ATXN7L2: variants seen among roughly 807,000 people sequenced by gnomAD.
The protein encoded by ATXN7L2 is ataxin 7 like 2, also known as ataxin-7-like protein 2.
Under a neutral mutation model 59.6 loss-of-function variants are expected in ATXN7L2, and 17 were observed. That is an observed-to-expected ratio of 0.29 (90% CI 0.20 to 0.43). The LOEUF is 0.43. Ranked by LOEUF, ATXN7L2 falls within the 20% of genes least tolerant of loss-of-function variation. The pLI is 1.00. For missense variants in ATXN7L2, 858 were observed against 1,008.9 expected (o/e 0.85, Z 2.03); for synonymous variants, 378 against 392.5 (o/e 0.96, Z 0.44).
In ATXN7L2 at chr1:109,486,369, G is replaced by T; in HGVS notation, c.194-137G>T. 4 of 946,738 alleles carry T rather than the reference G, an allele frequency of 4.2e-6. No individual in the cohort carries two copies. The South Asian group carries it at 7.0e-5, about 17-fold the overall frequency. The allele number at this position is 946,738 out of a possible 1,614,324, so 58.6% of individuals were successfully genotyped here. On this transcript the variant is annotated intron_variant, in intron 2 of 10. Transcript: ENST00000683729. This position sits in a 1 kb window ranked among gnomAD's most constrained non-coding sequence, Gnocchi z 4.3. ...CTGCTTAGATCGAACTCTGGAAGCT[G>T]GAAGCATTCAGCATGGAGCTTGTTA...
chr1:109,485,168 T>C (rs2101020893), intron 1 of ATXN7L2: 2 of 678,882 alleles, frequency 2.9e-6, no homozygotes, highest in African/African-American at 2.0e-5. Context: ...TCTGGGTGCA[T>C]TGAGAACCGG....
Position 109,488,759 on chromosome 1 carries a change from C to A in ATXN7L2, c.880-88C>A, listed in dbSNP as rs1232404489. Reference sequence around the variant, plus strand: ...TATGCCCACCTCTCTCCCTGCCCCCCAACTTGCCCGGGCCAAAGCACCCTG... The same window carrying A: ...TATGCCCACCTCTCTCCCTGCCCCCAAACTTGCCCGGGCCAAAGCACCCTG... On this transcript the variant is annotated intron_variant, in intron 6 of 10. Coordinates refer to ENST00000683729, the MANE Select transcript of ATXN7L2 (RefSeq NM_001350175.2). This position sits in a 1 kb window ranked among gnomAD's most constrained non-coding sequence, Gnocchi z 5.0. 1 of 1,475,680 alleles carries A rather than the reference C, an allele frequency of 6.8e-7. No individual in the cohort carries two copies. The highest frequency in any genetic ancestry group is 2.0e-5 in the Admixed American group (1 of 51,042). The allele number at this position is 1,475,680 out of a possible 1,614,324, so 91.4% of individuals were successfully genotyped here.
At chr1:109,492,220 G>A in intron 10 of ATXN7L2, 2 of 685,726 alleles carry the variant, frequency 2.9e-6, no homozygotes, top group Non-Finnish European at 3.8e-6. Context: ...CAGGTGACAG[G>A]CAAGTTCTCC....
chr1:109,489,247 G>C, intron 7 of ATXN7L2, 147 bp downstream of exon 7: 1 of 1,120,832 alleles, frequency 8.9e-7, no homozygotes, highest in Non-Finnish European at 1.2e-6. Flanking sequence ...TCCTGACAGT[G>C]GTGTGGAAGC....
Position 109,490,325 on chromosome 1 carries a change from C to A in ATXN7L2, c.1387C>A (p.Arg463=), listed in dbSNP as rs185034916. The change falls in exon 9 of 11, where the codon CGG becomes AGG. Residue 463 remains arginine (R), a synonymous_variant. Coordinates refer to ENST00000683729, the MANE Select transcript of ATXN7L2 (RefSeq NM_001350175.2). ...VSPGCYVFSR[R]LDRFCSALSS... ...CCCAGGATGCTATGTGTTTAGCCGC[C>A]GGCTGGACCGGTTCTGCTCAGCACT... 55 of 1,613,910 alleles carry A rather than the reference C, an allele frequency of 3.4e-5. 1 individual carries two copies. In the East Asian group the frequency reaches 1.2e-3, roughly 36 times the overall value.
rs1414281546 is a variant in ATXN7L2, at chr1:109,491,168, A to T, written c.1701A>T (p.Pro567=). The T allele has an allele frequency of 6.2e-7, 1 of 1,613,638 alleles. No homozygotes were observed. The change falls in exon 10 of 11, where the codon CCA becomes CCT. Residue 567 remains proline (P), a synonymous_variant. Transcript: ENST00000683729. The surrounding 1 kb of genome is among the most constrained non-coding windows in gnomAD (Gnocchi z 4.1). ...GCGGGAGCCAGGCTATCACCTCACC[A>T]CTGCCTGCCAACACGCCATCCCCGT... ...CMGGSQAITS[P]LPANTPSPSF...
chr1:109,484,558 C>T (rs991853647), intron 1 of ATXN7L2, among the ~76,000 whole-genome samples: 1 of 151,896 alleles, frequency 6.6e-6, no homozygotes, highest in African/African-American at 2.4e-5. Context: ...CCCCCGCCCT[C>T]TCCGCGTTAG....
rs752257515 is a variant in ATXN7L2, at chr1:109,491,278, G to A, written c.1811G>A (p.Arg604Gln). 6.2e-7 allele frequency: 1 copy of A among 1,614,112 alleles called. No individual in the cohort carries two copies. Residue 604 changes from arginine (R) to glutamine (Q), a missense_variant, in exon 10 of 11, where the codon CGG becomes CAG. Arg to Gln is a conservative substitution (Grantham distance 43). This residue lies in a region of ATXN7L2 where 734 missense variants were observed against 862.3 expected (regional missense o/e 0.85). Coordinates refer to ENST00000683729, the MANE Select transcript of ATXN7L2 (RefSeq NM_001350175.2). This position sits in a 1 kb window ranked among gnomAD's most constrained non-coding sequence, Gnocchi z 4.1. ...GAGGTGGAGGCCCCTTCTCGAAAGC[G>A]GAAGTTATCCCCTGGCCCTACCACT... Reference protein sequence around the residue: ...GVEVEAPSRKRKLSPGPTTLK... With the variant: ...GVEVEAPSRKQKLSPGPTTLK...
downstream of ATXN7L2, chr1:109,492,796 GA>G (rs1243107680): frequency 4.9e-5 from 34 of 695,542 alleles, 1 homozygote; most frequent in South Asian, 4.2e-4. Flanking sequence ...GAAAAGGAAG[GA>G]AAAAAAATAA....
intron 1 of ATXN7L2, among the ~76,000 whole-genome samples, chr1:109,484,664 C>G (rs180708239): frequency 6.6e-6 from 1 of 152,334 alleles, no homozygotes; most frequent in East Asian, 1.9e-4. Context: ...TCTTGCCCTG[C>G]CTCTTGGCTC....
intron 7 of ATXN7L2, 178 bp downstream of exon 7, chr1:109,489,278 A>G (rs912400975): frequency 1.3e-6 from 1 of 762,910 alleles, no homozygotes; most frequent in Non-Finnish European, 2.0e-6. Context: ...CCTGTTTCCA[A>G]CCAGGCATAC....
In ATXN7L2 at chr1:109,491,262, G is replaced by A; in HGVS notation, c.1795G>A (p.Ala599Thr). 1 of 1,614,240 alleles carries A rather than the reference G, an allele frequency of 6.2e-7. No individual in the cohort carries two copies. The highest frequency in any genetic ancestry group is 2.2e-5 in the East Asian group (1 of 44,888). Residue 599 changes from alanine to threonine, a missense_variant, in exon 10 of 11, where the codon GCC becomes ACC. This residue lies in a region of ATXN7L2 where 734 missense variants were observed against 862.3 expected (regional missense o/e 0.85). Transcript: ENST00000683729. This position sits in a 1 kb window ranked among gnomAD's most constrained non-coding sequence, Gnocchi z 4.1. ...AGGCAAGGACGGGGTGGAGGTGGAG[G>A]CCCCTTCTCGAAAGCGGAAGTTATC... ...SKGKDGVEVE[A>T]PSRKRKLSPG... is the part of the protein sequence containing the mutation.
intron 1 of ATXN7L2, among the ~76,000 whole-genome samples, chr1:109,484,791 C>T (rs1396385465): frequency 6.6e-6 from 1 of 152,186 alleles, no homozygotes; most frequent in Non-Finnish European, 1.5e-5. Context: ...CGTGGCCTTT[C>T]GGGGTGACAG....
chr1:109,487,180 C>T lies in ATXN7L2; in HGVS notation c.472C>T (p.His158Tyr), dbSNP rs1331493753. Residue 158 changes from histidine (H) to tyrosine (Y), a missense_variant, in exon 4 of 11, where the codon CAC becomes TAC. Coordinates refer to ENST00000683729, the MANE Select transcript of ATXN7L2 (RefSeq NM_001350175.2). ...EKGQGSRSRGHQPPEKTQKDN... is the reference protein window; with the variant it reads ...EKGQGSRSRGYQPPEKTQKDN... The stretch of plus-strand genomic sequence containing the variant: ...GGGCCAGGGGTCCCGGAGCCGTGGC[C>T]ACCAGCCTCCTGAGAAGACCCAGAA... The T allele has an allele frequency of 3.1e-6, 5 of 1,590,506 alleles. No homozygotes were observed. Among genetic ancestry groups the T allele is most frequent in the Non-Finnish European group, 4.3e-6 (5 of 1,168,206 alleles).
rs976326866 is a variant in ATXN7L2 at position 109,486,285 on chromosome 1, G to A, written c.193+163G>A. ...GTTGTTCTGGCTCCTGTGACCTGTC[G>A]TTGGAGATCATAATCATAGGTGATT... On this transcript the variant is annotated intron_variant, in intron 2 of 10. Transcript: ENST00000683729. This position sits in a 1 kb window ranked among gnomAD's most constrained non-coding sequence, Gnocchi z 4.3. 4 of 1,170,946 alleles carry A rather than the reference G, an allele frequency of 3.4e-6. No individual in the cohort carries two copies. Among genetic ancestry groups the A allele is most frequent in the East Asian group, 2.7e-5 (1 of 37,604 alleles). The allele number at this position is 1,170,946 out of a possible 1,614,324, so 72.5% of individuals were successfully genotyped here.
rs1195969743 is a variant in ATXN7L2 at position 109,487,019 on chromosome 1, G to A, written c.311G>A (p.Gly104Glu). Residue 104 changes from glycine (G) to glutamate (E), a missense_variant, in exon 4 of 11, where the codon GGG (glycine) becomes GAG (glutamate). Physicochemically the swap from Gly to Glu is moderately conservative, Grantham distance 98. Coordinates refer to ENST00000683729, the MANE Select transcript of ATXN7L2 (RefSeq NM_001350175.2). ...AFQKHCERRHGPLSKLYGRAP... is the reference protein window; with the variant it reads ...AFQKHCERRHEPLSKLYGRAP... Reference sequence around the variant, plus strand: ...CTCCTGGTGACAGAAAGAAGACATGGGCCCCTCAGCAAGCTTTATGGCCGG... The same window carrying A: ...CTCCTGGTGACAGAAAGAAGACATGAGCCCCTCAGCAAGCTTTATGGCCGG... The A allele has an allele frequency of 4.4e-6, 7 of 1,592,936 alleles. No homozygotes were observed. The East Asian group carries it at 1.4e-4, about 31-fold the overall frequency.
chr1:109,489,551 C>T (rs1021255221), intron 7 of ATXN7L2: 5 of 347,118 alleles, frequency 1.4e-5, no homozygotes, highest in Non-Finnish European at 2.7e-5. Flanking sequence ...AACACAGGCT[C>T]AGCTCACAGA....
At position 109,487,235 on chromosome 1, in the gene ATXN7L2, A is replaced by G; in HGVS notation, c.509+18A>G. 1 of 1,496,038 alleles carries G rather than the reference A, an allele frequency of 6.7e-7. No homozygotes were observed. The highest frequency in any genetic ancestry group is 8.9e-7 in the Non-Finnish European group (1 of 1,119,412). 92.7% of individuals were successfully genotyped at this position (1,496,038 alleles called of 1,614,324 possible). A position where few individuals can be genotyped will look rare whatever the true frequency, so the allele number is the denominator to read the frequency against. On this transcript the variant is annotated intron_variant, in intron 4 of 10. Transcript: ENST00000683729. ...AACCTCTGGTAAGGAGAGGCTGGAA[A>G]CTTTCTAAGACTGGCCCTGACCCTG...
At position 109,490,071 on chromosome 1, in the gene ATXN7L2, C is replaced by A; in HGVS notation, c.1275C>A (p.Asp425Glu). Residue 425 changes from aspartate (D) to glutamate (E), a missense_variant, in exon 8 of 11, where the codon GAC (aspartate) becomes GAA (glutamate). Asp to Glu is a conservative substitution (Grantham distance 45, BLOSUM62 2). Around this residue, in one of 3 missense-constraint regions of ATXN7L2, gnomAD observed 734 missense variants for 862.3 expected, o/e 0.85. Coordinates refer to ENST00000683729, the MANE Select transcript of ATXN7L2 (RefSeq NM_001350175.2). ...SEESEEEGTS[D>E]DLHPPPDCHY... The stretch of plus-strand genomic sequence containing the variant: ...AGAGTGAGGAGGAGGGGACATCTGA[C>A]GACCTCCACCCACCCCCTGACTGCC... The A allele has an allele frequency of 6.2e-7, 1 of 1,602,200 alleles. No individual in the cohort carries two copies. Among genetic ancestry groups the A allele is most frequent in the Non-Finnish European group, 8.5e-7 (1 of 1,173,708 alleles).
Sources: gnomAD v4.1 joint callset for allele counts (sites outside exome capture counted in the v4.1 genomes callset) on GRCh38, gnomAD v4.1.1 for gene constraint, gnomAD v4.1.1 regional missense constraint, Gnocchi (gnomAD v3.1) non-coding constraint, MANE v1.5 for transcripts, NCBI Gene and HGNC (gene_info 2026-07-23, HGNC 2026-07-21) for gene names.